NDNF: variants seen among roughly 807,000 people sequenced by gnomAD.
The protein encoded by NDNF is protein NDNF.
Under a neutral mutation model 42.0 loss-of-function variants are expected in NDNF, and 16 were observed. That is an observed-to-expected ratio of 0.38 (90% CI 0.26 to 0.58). The LOEUF (loss-of-function observed/expected upper bound fraction) is 0.58. NDNF is among the 20% of genes least tolerant of loss of function. The pLI is 0.67. For missense variants in NDNF, 616 were observed against 666.2 expected (o/e 0.92, Z 0.83); for synonymous variants, 248 against 251.7 (o/e 0.99, Z 0.14).
intron 1 of NDNF, among the ~76,000 whole-genome samples, chr4:121,063,105 A>T (rs182026915): frequency 1.3e-5 from 2 of 152,300 alleles, no homozygotes; most frequent in African/African-American, 4.8e-5. Flanking sequence ...AAATAATTTT[A>T]AAAATCTTAG....
rs1220197327 is a variant in NDNF at position 121,036,546 on chromosome 4, C to T, written c.1425G>A (p.Arg475=). 6.8e-6 allele frequency: 11 copies of T among 1,614,074 alleles called. No individual in the cohort carries two copies. The highest frequency in any genetic ancestry group is 8.5e-6 in the Non-Finnish European group (10 of 1,179,994). Residue 475 remains arginine (R), a synonymous_variant, in exon 4 of 4, where the codon AGG becomes AGA. Transcript: ENST00000379692. The part of the protein sequence containing the change: ...ATVAWLGTQE[R]NKFCIYKKEV... ...CTTTTTTGTAGATGCAAAACTTGTT[C>T]CTTTCCTGAGTGCCTAGCCAAGCCA...
At chr4:121,045,552 G>C (rs771418626) in intron 2 of NDNF, 98 bp downstream of exon 2, 1 of 1,023,846 alleles carries the variant, frequency 9.8e-7, no homozygotes, top group African/African-American at 1.6e-5. Flanking sequence ...TTCATAGGTT[G>C]ATTTGTAAAT....
chr4:121,061,753 G>T (rs960612437), intron 1 of NDNF, among the ~76,000 whole-genome samples: 2 of 150,954 alleles, frequency 1.3e-5, no homozygotes, highest in Non-Finnish European at 2.9e-5. Context: ...TTCAAGTTTT[G>T]AAACAGTTTA....
At chr4:121,055,133 A>G (rs1296303969) in intron 1 of NDNF, among the ~76,000 whole-genome samples, 1 of 152,130 alleles carries the variant, frequency 6.6e-6, no homozygotes, top group African/African-American at 2.4e-5. Context: ...AAGCTCTTTA[A>G]GCACAGAAAG....
Position 121,036,842 on chromosome 4 carries a change from AG to A in NDNF, c.1128del (p.Phe377LeufsTer13). The A allele has an allele frequency of 6.2e-7, 1 of 1,614,148 alleles. No homozygotes were observed. Among genetic ancestry groups the A allele is most frequent in the Non-Finnish European group, 8.5e-7 (1 of 1,180,036 alleles). ...APVSSHQKVT[F>X]FIHSCLDAVQ... is the part of the protein sequence containing the mutation. ...ACAGCATCCAGACAAGAGTGAATAA[AG>A]AAGGTGACTTTTTGGTGAGAAGAGA... On this transcript the variant is annotated frameshift_variant, in exon 4 of 4. Coordinates refer to ENST00000379692, the MANE Select transcript of NDNF (RefSeq NM_024574.4). LOFTEE classifies it high-confidence loss of function.
chr4:121,053,697 T>C (rs1727239019), intron 1 of NDNF, among the ~76,000 whole-genome samples: 1 of 152,222 alleles, frequency 6.6e-6, no homozygotes, highest in Non-Finnish European at 1.5e-5. Flanking sequence ...CAAAATGTCC[T>C]CTATATGTGA....
At chr4:121,047,929 C>T (rs747699819) in intron 1 of NDNF, among the ~76,000 whole-genome samples, 2 of 152,166 alleles carry the variant, frequency 1.3e-5, no homozygotes, top group African/African-American at 2.4e-5. Context: ...GCTATGTCTG[C>T]AAAAGATGGC....
chr4:121,048,209 A>G (rs4446338), intron 1 of NDNF, among the ~76,000 whole-genome samples: 3 of 152,116 alleles, frequency 2.0e-5, no homozygotes. Flanking sequence ...ACGAGGCCAA[A>G]TAAAGAAGAA....
At chr4:121,068,710 A>C (rs1727540209) in intron 1 of NDNF, among the ~76,000 whole-genome samples, 1 of 152,192 alleles carries the variant, frequency 6.6e-6, no homozygotes, top group African/African-American at 2.4e-5. Flanking sequence ...GTAGCAAAAA[A>C]GTGAGACAGA....
intron 1 of NDNF, among the ~76,000 whole-genome samples, chr4:121,065,076 T>C (rs1191676421): frequency 6.6e-6 from 1 of 152,148 alleles, no homozygotes; most frequent in African/African-American, 2.4e-5. Flanking sequence ...GCTGGGATTA[T>C]AACTGTGCCA....
At chr4:121,048,169 C>T (rs1727127253) in intron 1 of NDNF, among the ~76,000 whole-genome samples, 1 of 152,192 alleles carries the variant, frequency 6.6e-6, no homozygotes, top group Non-Finnish European at 1.5e-5. Context: ...CTTTGTAGTA[C>T]CATCCCCAAA....
At chr4:121,056,341 G>C (rs1727295591) in intron 1 of NDNF, among the ~76,000 whole-genome samples, 1 of 152,192 alleles carries the variant, frequency 6.6e-6, no homozygotes, top group East Asian at 1.9e-4. Context: ...GAGAGAGTAA[G>C]GAAGTGACTG....
At chr4:121,057,894 G>A (rs1268092764) in intron 1 of NDNF, among the ~76,000 whole-genome samples, 1 of 152,222 alleles carries the variant, frequency 6.6e-6, no homozygotes, top group Non-Finnish European at 1.5e-5. Flanking sequence ...AAGTCAACCA[G>A]TGTTTATTAA....
At chr4:121,043,392 C>T (rs959773747) in intron 2 of NDNF, among the ~76,000 whole-genome samples, 3 of 152,096 alleles carry the variant, frequency 2.0e-5, no homozygotes, top group Non-Finnish European at 4.4e-5. Context: ...ATATTTCACC[C>T]CTAGAAATGA....
Position 121,047,689 on chromosome 4 carries a change from G to A in NDNF, c.-1-1851C>T, listed in dbSNP as rs149433580. Reference sequence around the variant, plus strand: ...CTTAGGCAATTCACCTAGCCACTCCGGACCTCAGTTTTTTGAAGAGTTTGG... The same window carrying A: ...CTTAGGCAATTCACCTAGCCACTCCAGACCTCAGTTTTTTGAAGAGTTTGG... On this transcript the variant is annotated intron_variant, in intron 1 of 3. Coordinates refer to ENST00000379692, the MANE Select transcript of NDNF (RefSeq NM_024574.4). Among the ~76,000 whole-genome samples the A allele has an allele frequency of 2.9e-3, 436 of 152,246 alleles. 2 individuals are homozygous for A. The highest frequency in any genetic ancestry group is 9.9e-3 in the African/African-American group (412 of 41,538).
chr4:121,047,367 T>C (rs1449864542), intron 1 of NDNF, among the ~76,000 whole-genome samples: 2 of 152,244 alleles, frequency 1.3e-5, no homozygotes, highest in African/African-American at 4.8e-5. Flanking sequence ...AGCACTGTTC[T>C]AAGTTCACGA....
At chr4:121,068,599 A>G (rs1409102665) in intron 1 of NDNF, among the ~76,000 whole-genome samples, 3 of 152,196 alleles carry the variant, frequency 2.0e-5, no homozygotes, top group Non-Finnish European at 4.4e-5. Flanking sequence ...ACTATGAGAC[A>G]TATTTTCTTC....
chr4:121,052,942 A>T (rs1727224598), intron 1 of NDNF, among the ~76,000 whole-genome samples: 6 of 152,158 alleles, frequency 3.9e-5, no homozygotes, highest in Admixed American at 3.9e-4. Flanking sequence ...GAAGTAAAGG[A>T]TTCCTGGTCT....
chr4:121,062,889 T>C (rs962200857), intron 1 of NDNF, among the ~76,000 whole-genome samples: 2 of 152,162 alleles, frequency 1.3e-5, no homozygotes, highest in Non-Finnish European at 2.9e-5. Context: ...ACTTTAAATG[T>C]GGAAAATGTT....
Sources: allele counts gnomAD v4.1 joint callset (sites outside exome capture counted in the v4.1 genomes callset), GRCh38; gene constraint gnomAD v4.1.1; transcripts MANE v1.5; gene names NCBI Gene and HGNC (gene_info 2026-07-23, HGNC 2026-07-21).